Variants in BAZ2B observed in about 807,000 individuals in gnomAD.
BAZ2B encodes bromodomain adjacent to zinc finger domain 2B.
A neutral mutation model predicts 246.0 loss-of-function variants in BAZ2B; 91 were observed. The ratio of observed to expected loss-of-function variants is 0.37; its 90% CI spans 0.31 to 0.44. The LOEUF (loss-of-function observed/expected upper bound fraction) is 0.44. BAZ2B is among the 20% of genes least tolerant of loss of function. The pLI is 1.00. For missense variants in BAZ2B, 2,332 were observed against 2,533.7 expected, an observed-to-expected ratio of 0.92 and a Z score of 1.71; for synonymous variants, 855 against 860.0, an observed-to-expected ratio of 0.99 and a Z score of 0.10.
intron 1 of BAZ2B, among the ~76,000 whole-genome samples, chr2:159,571,073 T>C (rs1683889929): frequency 6.6e-6 from 1 of 152,070 alleles, no homozygotes; most frequent in South Asian, 2.1e-4. Context: ...AGGCTGGTCT[T>C]GAACTCCTGA....
intron 21 of BAZ2B, among the ~76,000 whole-genome samples, chr2:159,388,157 C>T (rs967845174): frequency 6.6e-6 from 1 of 151,750 alleles, no homozygotes; most frequent in Non-Finnish European, 1.5e-5. Context: ...AAAGAGCTTA[C>T]ATAAATCAAG....
chr2:159,349,672 G>T (rs1443981651), intron 28 of BAZ2B, 36 bp downstream of exon 28: 2 of 1,544,992 alleles, frequency 1.3e-6, no homozygotes, highest in African/African-American at 2.8e-5. Flanking sequence ...ATTACATAAA[G>T]CAATATAAAA....
the BAZ2B span, among the ~76,000 whole-genome samples, chr2:159,710,366 GC>G: frequency 6.6e-6 from 1 of 151,886 alleles, no homozygotes; most frequent in Admixed American, 6.6e-5. Flanking sequence ...CTGCCACCAC[GC>G]CCGGCTAATT....
chr2:159,348,318 A>T, intron 30 of BAZ2B, among the ~76,000 whole-genome samples: 1 of 134,704 alleles, frequency 7.4e-6, no homozygotes. Flanking sequence ...AGACTCTCTC[A>T]CAAAAAAAAA....
At chr2:159,409,745 A>G (rs543538673) in intron 14 of BAZ2B, among the ~76,000 whole-genome samples, 3 of 152,228 alleles carry the variant, frequency 2.0e-5, no homozygotes, top group Non-Finnish European at 4.4e-5. Flanking sequence ...GAAAAAATGC[A>G]AACAATACTC....
intron 34 of BAZ2B, among the ~76,000 whole-genome samples, chr2:159,326,629 C>T (rs778696155): frequency 1.3e-5 from 2 of 151,678 alleles, no homozygotes; most frequent in Non-Finnish European, 1.5e-5. Flanking sequence ...CTGCTACTAA[C>T]TTTAAGCAAA....
intron 1 of BAZ2B, among the ~76,000 whole-genome samples, chr2:159,598,458 A>G (rs1256567180): frequency 6.6e-6 from 1 of 152,268 alleles, no homozygotes; most frequent in African/African-American, 2.4e-5. Flanking sequence ...CAAATATTTC[A>G]GAAAACTTAT....
chr2:159,430,745 C>G (rs1382596867), intron 10 of BAZ2B, 118 bp downstream of exon 10: 3 of 1,464,958 alleles, frequency 2.0e-6, no homozygotes, highest in African/African-American at 1.4e-5. Context: ...CTTAGCCAAC[C>G]TAAAATCTAA....
At chr2:159,579,445 C>T (rs1303232326) in intron 1 of BAZ2B, among the ~76,000 whole-genome samples, 1 of 152,126 alleles carries the variant, frequency 6.6e-6, no homozygotes, top group African/African-American at 2.4e-5. Flanking sequence ...AGCCTACCAA[C>T]GAAAACAAGT....
chr2:159,355,460 G>A (rs1255191663), intron 27 of BAZ2B, among the ~76,000 whole-genome samples: 1 of 152,084 alleles, frequency 6.6e-6, no homozygotes, highest in Non-Finnish European at 1.5e-5. Flanking sequence ...ATTTTAAGAT[G>A]ATAACATAAA....
At chr2:159,646,281 C>A in the BAZ2B span, among the ~76,000 whole-genome samples, 1 of 152,140 alleles carries the variant, frequency 6.6e-6, no homozygotes, top group Non-Finnish European at 1.5e-5. Context: ...TGGCTCTGTT[C>A]CGCCTGGCTC....
At chr2:159,405,140 T>C (rs562851331) in intron 14 of BAZ2B, 26 bp from the exon 15 acceptor site, 6 of 1,600,930 alleles carry the variant, frequency 3.7e-6, no homozygotes, top group East Asian at 4.5e-5. Flanking sequence ...TTTCAAAGAA[T>C]ATTAACAACT....
chr2:159,457,492 C>A (rs1281809964), intron 3 of BAZ2B, among the ~76,000 whole-genome samples: 1 of 152,196 alleles, frequency 6.6e-6, no homozygotes. Flanking sequence ...GAACAAAAAG[C>A]TGTCTTGAGT....
At chr2:159,521,665 AC>A (rs760380402) in intron 2 of BAZ2B, among the ~76,000 whole-genome samples, 1 of 152,026 alleles carries the variant, frequency 6.6e-6, no homozygotes, top group Non-Finnish European at 1.5e-5. Flanking sequence ...AGCAAAATCA[AC>A]TCTATATTAC....
chr2:159,632,049 A>G, the BAZ2B span, among the ~76,000 whole-genome samples: 16 of 152,326 alleles, frequency 1.1e-4, no homozygotes, highest in East Asian at 2.3e-3. Flanking sequence ...AGGGAATATA[A>G]TTACCATTCT....
intron 31 of BAZ2B, among the ~76,000 whole-genome samples, chr2:159,341,529 T>A (rs939788232): frequency 6.6e-6 from 1 of 152,112 alleles, no homozygotes; most frequent in Non-Finnish European, 1.5e-5. Context: ...ATAGACCAAA[T>A]GGACACGTAC....
intron 2 of BAZ2B, among the ~76,000 whole-genome samples, chr2:159,553,322 G>C (rs900698467): frequency 6.8e-6 from 1 of 146,920 alleles, no homozygotes; most frequent in African/African-American, 2.6e-5. Flanking sequence ...CTGAACCCAG[G>C]AGGCAGAGGC....
chr2:159,553,392 C>CAAAAAAAAAAAA (rs35253250), intron 2 of BAZ2B, among the ~76,000 whole-genome samples: 58 of 73,824 alleles, frequency 7.9e-4, no homozygotes, highest in Middle Eastern at 9.8e-3. Context: ...GACTCTGTCT[C>CAAAAAAAAAAAA]AAAAAAAAAA....
intron 2 of BAZ2B, among the ~76,000 whole-genome samples, chr2:159,482,082 G>A (rs2079294290): frequency 6.7e-6 from 1 of 148,638 alleles, no homozygotes; most frequent in Non-Finnish European, 1.5e-5. Context: ...TGTGAACTCT[G>A]TTTTTTATTT....
Sources: allele counts gnomAD v4.1 joint callset (sites outside exome capture counted in the v4.1 genomes callset), GRCh38; gene constraint gnomAD v4.1.1; transcripts MANE v1.5; gene names NCBI Gene and HGNC (gene_info 2026-07-23, HGNC 2026-07-21).